PIGU: variants seen among roughly 807,000 people sequenced by gnomAD.
PIGU encodes the protein GPI-anchor transamidase component PIGU.
PIGU carries 24 observed loss-of-function variants against 49.9 expected under a neutral mutation model. The ratio of observed to expected loss-of-function variants is 0.48; its 90% CI spans 0.35 to 0.68. The LOEUF is 0.68. PIGU is among the 30% of genes least tolerant of loss of function. PIGU has a pLI of 0.01. For missense variants in PIGU, 490 were observed against 532.6 expected, an observed-to-expected ratio of 0.92 and a Z score of 0.79; for synonymous variants, 220 against 205.7, an observed-to-expected ratio of 1.07 and a Z score of -0.59.
At chr20:34,660,018 C>T (rs1986880038) in intron 1 of PIGU, among the ~76,000 whole-genome samples, 1 of 148,634 alleles carries the variant, frequency 6.7e-6, no homozygotes, top group South Asian at 2.1e-4. Flanking sequence ...GCCAAATCCC[C>T]CTCTGCGAGA....
rs145264143 is a variant in PIGU, at chr20:34,653,256, A to C, written c.195+3924T>G. On this transcript the variant is annotated intron_variant, in intron 2 of 11. Transcript: ENST00000217446. Reference sequence around the variant, plus strand: ...AGTGCTGGGATTACAGGCGTGAGCCACCATGTCTGACCCAAGTTGGTTGTT... The same window carrying C: ...AGTGCTGGGATTACAGGCGTGAGCCCCCATGTCTGACCCAAGTTGGTTGTT... Among the ~76,000 whole-genome samples, 422 of 152,356 alleles carry C rather than the reference A, an allele frequency of 2.8e-3. 1 individual carries two copies. The highest frequency in any genetic ancestry group is 9.6e-3 in the African/African-American group (401 of 41,582).
chr20:34,586,178 G>A (rs571496893), intron 8 of PIGU, among the ~76,000 whole-genome samples: 8 of 152,236 alleles, frequency 5.3e-5, no homozygotes, highest in Admixed American at 2.0e-4. Context: ...CAAATATTTC[G>A]CTGCAATTCT....
chr20:34,659,265 C>A (rs1986841436), intron 1 of PIGU, among the ~76,000 whole-genome samples: 1 of 112,564 alleles, frequency 8.9e-6, no homozygotes, highest in African/African-American at 3.2e-5. Flanking sequence ...GGGGTCAGCC[C>A]CCCGCCCGGC....
intron 1 of PIGU, among the ~76,000 whole-genome samples, chr20:34,673,612 T>C (rs1217376854): frequency 6.6e-6 from 1 of 152,250 alleles, no homozygotes; most frequent in East Asian, 1.9e-4. Flanking sequence ...TTTCAGCCCA[T>C]GTCAGCACTA....
At chr20:34,591,672 A>G (rs1417653270) in intron 7 of PIGU, among the ~76,000 whole-genome samples, 2 of 152,240 alleles carry the variant, frequency 1.3e-5, no homozygotes, top group African/African-American at 4.8e-5. Context: ...ATTTGTTGTG[A>G]GAACACTTAA....
intron 8 of PIGU, among the ~76,000 whole-genome samples, chr20:34,585,846 AAG>A (rs1298385895): frequency 6.6e-6 from 1 of 152,232 alleles, no homozygotes; most frequent in East Asian, 1.9e-4. Context: ...CCTAGGAATA[AAG>A]AGACTCACCC....
intron 5 of PIGU, among the ~76,000 whole-genome samples, chr20:34,635,569 A>T (rs558515985): frequency 2.0e-5 from 3 of 152,372 alleles, no homozygotes; most frequent in Admixed American, 1.3e-4. Flanking sequence ...TCCACAAAGG[A>T]TTTGAGGCAG....
rs1188828715 is a variant in PIGU at position 34,603,011 on chromosome 20, C to T, written c.627+13031G>A. Among the ~76,000 whole-genome samples, 3 of 151,938 alleles carry T rather than the reference C, an allele frequency of 2.0e-5. No homozygotes were observed. In the East Asian group the frequency reaches 5.8e-4, roughly 29 times the overall value. ...TAAGTCTCTTAATTCATAATTCCTC[C>T]ACTCCAGCCTACTCCTGCCCATATC... On this transcript the variant is annotated intron_variant, in intron 7 of 11. Transcript: ENST00000217446.
chr20:34,612,529 A>AT (rs771427780), intron 7 of PIGU, among the ~76,000 whole-genome samples: 5 of 152,032 alleles, frequency 3.3e-5, no homozygotes, highest in Non-Finnish European at 7.4e-5. Context: ...TTAAAGTAAA[A>AT]TTTAAAAAAA....
chr20:34,575,576 A>C (rs1983192930), intron 10 of PIGU, among the ~76,000 whole-genome samples: 1 of 151,942 alleles, frequency 6.6e-6, no homozygotes, highest in African/African-American at 2.4e-5. Flanking sequence ...CTCACCTCCT[A>C]ATCTTGGAGG....
intron 4 of PIGU, among the ~76,000 whole-genome samples, chr20:34,640,536 C>T (rs1986126169): frequency 6.3e-5 from 1 of 15,924 alleles, no homozygotes; most frequent in African/African-American, 1.2e-4. Flanking sequence ...CACACACACA[C>T]CCCTTAAGAA....
At chr20:34,568,149 G>A (rs1319947068) in intron 11 of PIGU, among the ~76,000 whole-genome samples, 5 of 152,184 alleles carry the variant, frequency 3.3e-5, no homozygotes, top group Non-Finnish European at 7.3e-5. Context: ...TGAGGCCAGC[G>A]AGCCAGGACA....
chr20:34,627,219 A>T (rs562895402), intron 6 of PIGU, among the ~76,000 whole-genome samples: 3 of 152,322 alleles, frequency 2.0e-5, no homozygotes, highest in Admixed American at 6.5e-5. Flanking sequence ...GACATGCAGC[A>T]GAGTGATGAA....
At chr20:34,623,383 CGAT>C (rs1263265926) in intron 6 of PIGU, among the ~76,000 whole-genome samples, 1 of 151,692 alleles carries the variant, frequency 6.6e-6, no homozygotes, top group Non-Finnish European at 1.5e-5. Flanking sequence ...TCAGTGATAA[CGAT>C]GATAATTTAT....
chr20:34,658,149 C>G (rs867712608), intron 1 of PIGU, among the ~76,000 whole-genome samples: 3 of 152,238 alleles, frequency 2.0e-5, no homozygotes, highest in Non-Finnish European at 4.4e-5. Context: ...CGCGCCGCCA[C>G]GCCTGACTGG....
intron 11 of PIGU, among the ~76,000 whole-genome samples, chr20:34,567,449 C>T (rs955003440): frequency 6.6e-6 from 1 of 152,174 alleles, no homozygotes; most frequent in Non-Finnish European, 1.5e-5. Flanking sequence ...TTACATGGCA[C>T]TTTTCCCACA....
rs1982473700 is a variant in PIGU, at chr20:34,560,982, G to A, written c.1195-3C>T. On this transcript the variant is annotated splice_region_variant and splice_polypyrimidine_tract_variant and intron_variant, in intron 11 of 11. Coordinates refer to ENST00000217446, the MANE Select transcript of PIGU (RefSeq NM_080476.5). Reference sequence around the variant, plus strand: ...AAGTAATCAGAGATGAGCAGGATCTGGGGGGAGAGAGAGGGTGTGAGGCGC... The same window carrying A: ...AAGTAATCAGAGATGAGCAGGATCTAGGGGGAGAGAGAGGGTGTGAGGCGC... The A allele has an allele frequency of 6.3e-7, 1 of 1,591,282 alleles. No homozygotes were observed.
At chr20:34,578,952 T>C (rs1011664088) in intron 10 of PIGU, 1 of 152,094 alleles carries the variant, frequency 6.6e-6, no homozygotes, top group Non-Finnish European at 1.5e-5. Context: ...GGCACCATGA[T>C]TGATGAACTG....
chr20:34,615,825 T>C (rs1984983362), intron 7 of PIGU, among the ~76,000 whole-genome samples: 1 of 152,150 alleles, frequency 6.6e-6, no homozygotes, highest in African/African-American at 2.4e-5. Flanking sequence ...TTAGAACATA[T>C]CCCCTGCAGA....
Sources: gnomAD v4.1 joint callset for allele counts (sites outside exome capture counted in the v4.1 genomes callset) on GRCh38, gnomAD v4.1.1 for gene constraint, MANE v1.5 for transcripts, NCBI Gene and HGNC (gene_info 2026-07-23, HGNC 2026-07-21) for gene names.